SFMBT2: variants seen among roughly 807,000 people sequenced by gnomAD.
The protein encoded by SFMBT2 is scm-like with four MBT domains protein 2.
Under a neutral mutation model 110.1 loss-of-function variants are expected in SFMBT2, and 38 were observed. That is an observed-to-expected ratio of 0.35 (90% CI 0.27 to 0.45). SFMBT2 has a LOEUF of 0.45. Among genes scored for constraint, SFMBT2 ranks in the 20% least tolerant of loss-of-function variants. The pLI is 1.00. For missense variants in SFMBT2, 1,011 were observed against 1,094.9 expected (o/e 0.92, Z 1.08); for synonymous variants, 425 against 425.4 (o/e 1.00, Z 0.01).
At chr10:7,396,383 T>G (rs1315380233) in intron 1 of SFMBT2, among the ~76,000 whole-genome samples, 2 of 152,182 alleles carry the variant, frequency 1.3e-5, no homozygotes, top group Non-Finnish European at 1.5e-5. Flanking sequence ...TTGGTCAAAT[T>G]ACACAGAAAA....
At chr10:7,315,056 G>A (rs1842962074) in intron 4 of SFMBT2, among the ~76,000 whole-genome samples, 2 of 132,470 alleles carry the variant, frequency 1.5e-5, no homozygotes, top group Non-Finnish European at 3.4e-5. Context: ...AAGAAAGAAA[G>A]AAAGAAAGAA....
chr10:7,304,402 C>CT (rs1564430236), intron 4 of SFMBT2, among the ~76,000 whole-genome samples: 1 of 152,164 alleles, frequency 6.6e-6, no homozygotes, highest in Non-Finnish European at 1.5e-5. Context: ...CATTAAACCT[C>CT]TTTTTTTATA....
At chr10:7,334,091 A>G (rs988826994) in intron 4 of SFMBT2, among the ~76,000 whole-genome samples, 53 of 152,176 alleles carry the variant, frequency 3.5e-4, no homozygotes, top group African/African-American at 1.2e-3. Flanking sequence ...GCCTCCGACA[A>G]CAGGGAGTTC....
At chr10:7,329,607 G>A (rs1033252663) in intron 4 of SFMBT2, 1 of 647,886 alleles carries the variant, frequency 1.5e-6, no homozygotes, top group South Asian at 6.9e-5. Context: ...AGATTCCTCG[G>A]TTAGAAATCC....
At position 7,327,133 on chromosome 10, in the gene SFMBT2, T is replaced by C. The variant is rs1385348023; in HGVS notation, c.436+40516A>G. Among the ~76,000 whole-genome samples the C allele has an allele frequency of 1.2e-4, 3 of 25,728 alleles. No individual in the cohort carries two copies. In the East Asian group the frequency reaches 3.8e-3, roughly 33 times the overall value. The allele number at this position is 25,728 out of a possible 152,430, so 16.9% of individuals were successfully genotyped here. The stretch of plus-strand genomic sequence containing the variant: ...ACCACTGGGGGAAACCAGGTCTTCC[T>C]TGAAAAAAAAAAAAAAAAAAAGTTC... On this transcript the variant is annotated intron_variant, in intron 4 of 20. Transcript: ENST00000397167.
At chr10:7,297,960 C>G (rs953841176) in intron 4 of SFMBT2, among the ~76,000 whole-genome samples, 1 of 152,170 alleles carries the variant, frequency 6.6e-6, no homozygotes, top group Non-Finnish European at 1.5e-5. Context: ...CGGGCTGATG[C>G]ACATTCTCCA....
chr10:7,188,533 AG>A, intron 16 of SFMBT2, 90 bp downstream of exon 16: 2 of 959,342 alleles, frequency 2.1e-6, no homozygotes, highest in Non-Finnish European at 3.2e-6. Flanking sequence ...TCCATTTCTC[AG>A]GGCTGTGTCA....
intron 1 of SFMBT2, among the ~76,000 whole-genome samples, chr10:7,397,566 T>G (rs1286131190): frequency 1.3e-5 from 2 of 152,166 alleles, no homozygotes; most frequent in African/African-American, 4.8e-5. Flanking sequence ...GCATCTATGC[T>G]GAGACCTTTC....
chr10:7,329,924 T>C (rs1049092018), intron 4 of SFMBT2, among the ~76,000 whole-genome samples: 15 of 152,178 alleles, frequency 9.9e-5, no homozygotes, highest in African/African-American at 3.6e-4. Flanking sequence ...ACAGAGAACA[T>C]GGGTCTCACC....
chr10:7,269,995 T>G (rs534126822), intron 7 of SFMBT2, among the ~76,000 whole-genome samples: 32 of 151,992 alleles, frequency 2.1e-4, no homozygotes, highest in African/African-American at 7.0e-4. Flanking sequence ...TGCGATCAGA[T>G]TGGGTTGAAG....
rs536779874 is a variant in SFMBT2, at chr10:7,199,526, A to G, written c.1558+888T>C. ...GTTATTCTTCTGGATATAAAAGAAA[A>G]GGAGTAAAATTACAATTATAGACTA... On this transcript the variant is annotated intron_variant, in intron 14 of 20. Transcript: ENST00000397167. Among the ~76,000 whole-genome samples, 3 of 152,324 alleles carry G rather than the reference A, an allele frequency of 2.0e-5. No individual in the cohort carries two copies. In the East Asian group the frequency reaches 5.8e-4, roughly 29 times the overall value.
In SFMBT2 at chr10:7,205,454, G is replaced by A. The variant is rs576277037; in HGVS notation, c.1444+361C>T. The stretch of plus-strand genomic sequence containing the variant: ...ACCAATTAAGATTCTGTTAGGAGAA[G>A]CTACATGAGAAAAATCAGTTCTTTT... On this transcript the variant is annotated intron_variant, in intron 12 of 20. Transcript: ENST00000397167. 3.1e-5 allele frequency: 31 copies of A among 985,212 alleles called. No individual in the cohort carries two copies. The East Asian group carries it at 1.7e-3, about 54-fold the overall frequency. 61.0% of individuals were successfully genotyped at this position (985,212 alleles called of 1,614,324 possible). A position where few individuals can be genotyped will look rare whatever the true frequency, so the allele number is the denominator to read the frequency against.
At chr10:7,284,300 C>A in intron 5 of SFMBT2, 150 bp from the exon 6 acceptor site, 4 of 1,440,142 alleles carry the variant, frequency 2.8e-6, no homozygotes, top group African/African-American at 1.4e-5. Flanking sequence ...CCTTGCCCAG[C>A]CCATGCCCCA....
chr10:7,346,332 C>T (rs1382219035), intron 4 of SFMBT2, among the ~76,000 whole-genome samples: 4 of 152,132 alleles, frequency 2.6e-5, no homozygotes, highest in Admixed American at 6.5e-5. Context: ...TTGGTGATTG[C>T]TTGCATTCAT....
intron 9 of SFMBT2, among the ~76,000 whole-genome samples, chr10:7,234,436 G>C (rs771717276): frequency 6.6e-6 from 1 of 152,120 alleles, no homozygotes; most frequent in African/African-American, 2.4e-5. Flanking sequence ...CCAGGATGGG[G>C]TCTAACATCA....
chr10:7,181,593 C>T (rs762484426), intron 16 of SFMBT2, among the ~76,000 whole-genome samples: 1 of 152,142 alleles, frequency 6.6e-6, no homozygotes, highest in African/African-American at 2.4e-5. Context: ...TCAAACTATA[C>T]CAAGCTGACT....
chr10:7,375,762 C>G (rs564042343), intron 2 of SFMBT2, among the ~76,000 whole-genome samples: 1 of 123,294 alleles, frequency 8.1e-6, no homozygotes, highest in Non-Finnish European at 1.6e-5. Context: ...CACACACACA[C>G]ACACACACAC....
At chr10:7,215,817 G>T in intron 11 of SFMBT2, 1 of 773,050 alleles carries the variant, frequency 1.3e-6, no homozygotes, top group Non-Finnish European at 1.6e-6. Flanking sequence ...GGCTCCCCGT[G>T]CATCGAACAC....
intron 11 of SFMBT2, among the ~76,000 whole-genome samples, chr10:7,209,276 C>A (rs145499048): frequency 2.6e-4 from 40 of 152,336 alleles, no homozygotes; most frequent in African/African-American, 9.6e-4. Context: ...CCACTGAAGA[C>A]CTTTATCATT....
Sources: gnomAD v4.1 joint callset for allele counts (sites outside exome capture counted in the v4.1 genomes callset) on GRCh38, gnomAD v4.1.1 for gene constraint, MANE v1.5 for transcripts, NCBI Gene and HGNC (gene_info 2026-07-23, HGNC 2026-07-21) for gene names.